Variants in TEC observed in about 807,000 individuals in gnomAD.
TEC encodes the protein tyrosine-protein kinase Tec.
A neutral mutation model predicts 93.0 loss-of-function variants in TEC; 72 were observed. The ratio of observed to expected loss-of-function variants is 0.77; its 90% CI spans 0.64 to 0.94. The LOEUF is 0.94. Among genes scored for constraint, TEC ranks in the 40% least tolerant of loss-of-function variants. The probability of loss-of-function intolerance (pLI) is 0.00; values close to 1 mark genes in which losing one functional copy is unlikely to be tolerated. For missense variants in TEC, 630 were observed against 757.9 expected, an observed-to-expected ratio of 0.83 and a Z score of 1.98; for synonymous variants, 249 against 247.7, an observed-to-expected ratio of 1.01 and a Z score of -0.05.
chr4:48,224,293 A>G (rs572789004), intron 2 of TEC, among the ~76,000 whole-genome samples: 100 of 152,370 alleles, frequency 6.6e-4, no homozygotes, highest in African/African-American at 2.4e-3. Context: ...TTAGCTAATG[A>G]TAGTTGCAAA....
At chr4:48,242,138 T>C (rs1365669415) in intron 1 of TEC, among the ~76,000 whole-genome samples, 1 of 152,228 alleles carries the variant, frequency 6.6e-6, no homozygotes, top group African/African-American at 2.4e-5. Flanking sequence ...CTGTGTGAAA[T>C]TCTGAAAATC....
Position 48,138,665 on chromosome 4 carries a change from C to G in TEC, c.1812G>C (p.Glu604Asp). ...AAGAAAGCACACAAAAAATCTATAC[C>G]TCCTGCCAACATCTCAGCATCACCT... ...VYEVMLRCWQ[E>D]KPEGRPSFED... Residue 604 changes from glutamate to aspartate, a missense_variant and splice_region_variant, in exon 17 of 18, where the codon GAG becomes GAC. Around this residue, in one of 3 missense-constraint regions of TEC, gnomAD observed 289 missense variants for 390.0 expected, o/e 0.74. Coordinates refer to ENST00000381501, the MANE Select transcript of TEC (RefSeq NM_003215.3). 1.3e-6 allele frequency: 2 copies of G among 1,599,592 alleles called. No homozygotes were observed. Among genetic ancestry groups the G allele is most frequent in the Non-Finnish European group, 1.7e-6 (2 of 1,175,122 alleles).
Position 48,167,867 on chromosome 4 carries a change from T to G in TEC, c.582A>C (p.Glu194Asp). The change falls in exon 7 of 18, where the codon GAA becomes GAC. Residue 194 changes from glutamate (E) to aspartate (D), a missense_variant. Around this residue, in one of 3 missense-constraint regions of TEC, gnomAD observed 335 missense variants for 351.5 expected, o/e 0.95. Coordinates refer to ENST00000381501, the MANE Select transcript of TEC (RefSeq NM_003215.3). ...VVAMYDFQAA[E>D]GHDLRLERGQ... is the part of the protein sequence containing the mutation. The stretch of plus-strand genomic sequence containing the variant: ...CTCTCTCTAATCTGAGATCATGTCC[T>G]TCTGCTGCTTGGAAATCATACATGG... 1 of 1,613,906 alleles carries G rather than the reference T, an allele frequency of 6.2e-7. No individual in the cohort carries two copies. Among genetic ancestry groups the G allele is most frequent in the Non-Finnish European group, 8.5e-7 (1 of 1,179,876 alleles).
chr4:48,268,133 G>A (rs903042342), intron 1 of TEC, among the ~76,000 whole-genome samples: 1 of 152,234 alleles, frequency 6.6e-6, no homozygotes, highest in Non-Finnish European at 1.5e-5. Context: ...TGCTGCCCTT[G>A]AGTAACTAGC....
chr4:48,179,360 ATATATATATATATATATTTTT>A lies in TEC; in HGVS notation c.139-3195_139-3175del, dbSNP rs1439640584. 3.2e-3 allele frequency among the ~76,000 whole-genome samples: 130 copies of A among 40,466 alleles called. 2 individuals carry two copies. The highest frequency in any genetic ancestry group is 0.012 in the African/African-American group (128 of 10,644). The allele number at this position is 40,466 out of a possible 152,430, so 26.5% of individuals were successfully genotyped here. On this transcript the variant is annotated intron_variant, in intron 2 of 17. Transcript: ENST00000381501. ...GTAGTATATATATATATATATATAT[ATATATATATATATATATTTTT>A]TTTTTTTTTTTTTTTTTTTCAAGAC...
At chr4:48,251,480 G>A (rs1724199792) in intron 1 of TEC, among the ~76,000 whole-genome samples, 1 of 152,080 alleles carries the variant, frequency 6.6e-6, no homozygotes, top group Non-Finnish European at 1.5e-5. Context: ...TTCTTTCCAT[G>A]GTACTTATCT....
chr4:48,150,975 C>T (rs1720138490), intron 9 of TEC, 33 bp from the exon 10 acceptor site: 12 of 1,390,804 alleles, frequency 8.6e-6, no homozygotes, highest in Non-Finnish European at 1.2e-5. Flanking sequence ...ATTTTTTTTA[C>T]TCTAATTACT....
At chr4:48,175,546 G>A (rs1472927001) in intron 3 of TEC, among the ~76,000 whole-genome samples, 2 of 152,214 alleles carry the variant, frequency 1.3e-5, no homozygotes, top group Non-Finnish European at 2.9e-5. Flanking sequence ...GGAATGCGGA[G>A]TAGCTCAGGA....
At chr4:48,149,117 T>C (rs564234801) in intron 11 of TEC, among the ~76,000 whole-genome samples, 2 of 152,332 alleles carry the variant, frequency 1.3e-5, no homozygotes, top group African/African-American at 4.8e-5. Context: ...CTATTATGAA[T>C]AGTGCTGCAA....
chr4:48,149,428 G>T, intron 11 of TEC, 129 bp downstream of exon 11: 1 of 930,844 alleles, frequency 1.1e-6, no homozygotes, highest in Non-Finnish European at 1.5e-6. Flanking sequence ...TTAATATGCA[G>T]TAATTTAAAA....
At chr4:48,141,485 G>A (rs1462309203) in intron 14 of TEC, 66 bp from the exon 15 acceptor site, 3 of 1,463,938 alleles carry the variant, frequency 2.0e-6, no homozygotes, top group Admixed American at 1.7e-5. Flanking sequence ...GAAAATGTAA[G>A]TTCTATTTAT....
chr4:48,201,460 C>A (rs1448776596), intron 2 of TEC, among the ~76,000 whole-genome samples: 1 of 152,094 alleles, frequency 6.6e-6, no homozygotes, highest in Non-Finnish European at 1.5e-5. Flanking sequence ...CACGAAAGAA[C>A]CCTGAGGAAC....
chr4:48,261,714 T>C (rs772920884), intron 1 of TEC, among the ~76,000 whole-genome samples: 13 of 152,236 alleles, frequency 8.5e-5, no homozygotes, highest in Non-Finnish European at 1.5e-4. Flanking sequence ...AAGTATCTCA[T>C]ATAGTACATG....
intron 2 of TEC, among the ~76,000 whole-genome samples, chr4:48,219,377 T>C (rs1162225512): frequency 6.6e-6 from 1 of 152,198 alleles, no homozygotes; most frequent in African/African-American, 2.4e-5. Flanking sequence ...CACCAGCTTC[T>C]TGTGGGAGGC....
chr4:48,171,411 AGGT>A lies in TEC; in HGVS notation c.279_281del (p.Pro94del), dbSNP rs1323118210. On this transcript the variant is annotated inframe_deletion, in exon 4 of 18. Coordinates refer to ENST00000381501, the MANE Select transcript of TEC (RefSeq NM_003215.3). ...CCCACAGGTCCCTGCTTTGTGGACT[AGGT>A]GCAAAAATGTAAAGTGTGTTAGCAT... 6.2e-7 allele frequency: 1 copy of A among 1,613,720 alleles called. No homozygotes were observed. Among genetic ancestry groups the A allele is most frequent in the East Asian group, 2.2e-5 (1 of 44,846 alleles).
chr4:48,145,091 G>A lies in TEC; in HGVS notation c.1458C>T (p.Ile486=). 1.9e-6 allele frequency: 3 copies of A among 1,613,914 alleles called. No individual in the cohort carries two copies. The highest frequency in any genetic ancestry group is 2.5e-6 in the Non-Finnish European group (3 of 1,179,850). ...TGGCTAGGGTTACCAGATCTCTGTG[G>A]ATGAAGCTGTTTCTCTCCAGATACT... The part of the protein sequence containing the change: ...GMEYLERNSF[I]HRDLAARNCL... Residue 486 remains isoleucine, a synonymous_variant, in exon 14 of 18, where the codon ATC becomes ATT. Coordinates refer to ENST00000381501, the MANE Select transcript of TEC (RefSeq NM_003215.3).
intron 15 of TEC, among the ~76,000 whole-genome samples, chr4:48,140,474 A>G (rs1337822254): frequency 6.6e-6 from 1 of 152,132 alleles, no homozygotes; most frequent in Non-Finnish European, 1.5e-5. Context: ...CTGCATCATC[A>G]TTCAGCACCA....
In TEC at chr4:48,232,637, T is replaced by C. The variant is rs539903261; in HGVS notation, c.-45-3978A>G. 4.6e-5 allele frequency among the ~76,000 whole-genome samples: 7 copies of C among 152,366 alleles called. No homozygotes were observed. In the South Asian group the frequency reaches 8.3e-4, roughly 18 times the overall value. ...GAAGGAAAAGTCTCCTCATGTAGAC[T>C]TCCAGCCAAAGATAGAGTGTTGAAT... On this transcript the variant is annotated intron_variant, in intron 1 of 17. Transcript: ENST00000381501.
At chr4:48,260,988 A>T (rs1198041489) in intron 1 of TEC, among the ~76,000 whole-genome samples, 3 of 151,640 alleles carry the variant, frequency 2.0e-5, no homozygotes, top group Admixed American at 6.6e-5. Flanking sequence ...CAAAATGACA[A>T]TTTTTTTTTA....
Sources: gnomAD v4.1 joint callset for allele counts (sites outside exome capture counted in the v4.1 genomes callset) on GRCh38, gnomAD v4.1.1 for gene constraint, gnomAD v4.1.1 regional missense constraint, MANE v1.5 for transcripts, NCBI Gene and HGNC (gene_info 2026-07-23, HGNC 2026-07-21) for gene names.